The following SYNE2 variants were observed in gnomAD, a reference collection of about 807,000 sequenced individuals.
SYNE2 encodes spectrin repeat containing nuclear envelope protein 2.
SYNE2 carries 431 observed loss-of-function variants against 856.3 expected under a neutral mutation model. The observed-to-expected ratio is 0.50, with a 90% confidence interval of 0.47 to 0.55. SYNE2 has a LOEUF of 0.55. Ranked by LOEUF, SYNE2 falls within the 20% of genes least tolerant of loss-of-function variation. SYNE2 has a pLI of 0.00. For synonymous variants in SYNE2, 2,923 were observed against 2,872.3 expected (o/e 1.02, Z -0.56); for missense variants, 8,129 against 8,023.2 (o/e 1.01, Z -0.50).
At chr14:64,196,140 G>C (rs2098539696) in intron 99 of SYNE2, among the ~76,000 whole-genome samples, 1 of 152,204 alleles carries the variant, frequency 6.6e-6, no homozygotes, top group South Asian at 2.1e-4. Context: ...CATTTTGGGA[G>C]AACTATTGCC....
At chr14:64,224,959 C>A in intron 114 of SYNE2, 40 bp from the exon 115 acceptor site, 1 of 1,581,538 alleles carries the variant, frequency 6.3e-7, no homozygotes, top group Non-Finnish European at 8.7e-7. Flanking sequence ...TAGGACTAAA[C>A]TGTCTTCAAC....
At chr14:63,951,090 A>T (rs1046891048) in intron 7 of SYNE2, among the ~76,000 whole-genome samples, 2 of 151,622 alleles carry the variant, frequency 1.3e-5, no homozygotes, top group Admixed American at 1.3e-4. Flanking sequence ...AGTGTCTGAG[A>T]TGGAGCTTAG....
chr14:64,035,726 C>G (rs889844898), intron 45 of SYNE2, among the ~76,000 whole-genome samples: 1 of 152,066 alleles, frequency 6.6e-6, no homozygotes, highest in African/African-American at 2.4e-5. Flanking sequence ...GGGTCTGGCT[C>G]TGTCACTCAG....
chr14:64,224,969 C>G (rs746132820), intron 114 of SYNE2, 30 bp from the exon 115 acceptor site: 6 of 1,606,144 alleles, frequency 3.7e-6, no homozygotes, highest in African/African-American at 1.3e-5. Context: ...CTGTCTTCAA[C>G]TTACTAACTG....
chr14:63,960,799 A>G (rs1022943068), intron 8 of SYNE2: 1 of 762,268 alleles, frequency 1.3e-6, no homozygotes, highest in Non-Finnish European at 2.4e-6. Context: ...TGTGCCAGCT[A>G]CTTGTGAGGC....
chr14:63,901,784 C>T (rs775875705), intron 1 of SYNE2, among the ~76,000 whole-genome samples: 7 of 152,054 alleles, frequency 4.6e-5, no homozygotes, highest in African/African-American at 1.2e-4. Flanking sequence ...ATTAGCCAAG[C>T]GTGGTGGCGT....
intron 1 of SYNE2, among the ~76,000 whole-genome samples, chr14:63,847,796 G>A (rs1461793775): frequency 6.6e-6 from 1 of 151,978 alleles, no homozygotes; most frequent in Non-Finnish European, 1.5e-5. Context: ...GTGTTGGCCA[G>A]GCTGGTCTTG....
Position 64,212,892 on chromosome 14 carries a change from G to C in SYNE2, c.18943G>C (p.Glu6315Gln). The C allele has an allele frequency of 1.2e-6, 2 of 1,614,170 alleles. No individual in the cohort carries two copies. The highest frequency in any genetic ancestry group is 1.7e-6 in the Non-Finnish European group (2 of 1,180,022). ...VFGEQLIQKSEPLDAVLIEDE... is the reference protein window; with the variant it reads ...VFGEQLIQKSQPLDAVLIEDE... The stretch of plus-strand genomic sequence containing the variant: ...TGGGGAGCAGCTGATTCAGAAGAGC[G>C]AGCCCCTGGATGCTGTGCTGATTGA... The change falls in exon 105 of 116, where the codon GAG becomes CAG. Residue 6315 changes from glutamate (E) to glutamine (Q), a missense_variant. Physicochemically the swap from Glu to Gln is conservative, Grantham distance 29. Around this residue, in one of 3 missense-constraint regions of SYNE2, gnomAD observed 5,410 missense variants for 5,284.8 expected, o/e 1.02. Transcript: ENST00000555002.
At chr14:63,792,037 A>G (rs1887756697) in intron 1 of SYNE2, among the ~76,000 whole-genome samples, 1 of 152,222 alleles carries the variant, frequency 6.6e-6, no homozygotes, top group South Asian at 2.1e-4. Context: ...AGGCAGTAAC[A>G]TTGGCACAGA....
chr14:64,225,728 G>A lies in SYNE2; in HGVS notation c.*202G>A, dbSNP rs577805424. 3 of 636,206 alleles carry A rather than the reference G, an allele frequency of 4.7e-6. No homozygotes were observed. The highest frequency in any genetic ancestry group is 5.2e-5 in the Admixed American group (2 of 38,532). The allele number at this position is 636,206 out of a possible 1,614,324, so 39.4% of individuals were successfully genotyped here. On this transcript the variant is annotated 3_prime_UTR_variant, in exon 116 of 116. Coordinates refer to ENST00000555002, the MANE Select transcript of SYNE2 (RefSeq NM_182914.3). Reference sequence around the variant, plus strand: ...TCCTCCCCAGGAGCAGGGAACCTGTGTGGCAGGTGCCCCGGGTATTTTGGC... The same window carrying A: ...TCCTCCCCAGGAGCAGGGAACCTGTATGGCAGGTGCCCCGGGTATTTTGGC...
At chr14:63,866,242 A>G (rs950866864) in intron 1 of SYNE2, among the ~76,000 whole-genome samples, 15 of 152,234 alleles carry the variant, frequency 9.9e-5, no homozygotes, top group African/African-American at 3.6e-4. Flanking sequence ...CGAAACACCA[A>G]AGGAACTTGA....
At chr14:64,102,619 C>G (rs181005182) in intron 64 of SYNE2, among the ~76,000 whole-genome samples, 1 of 149,834 alleles carries the variant, frequency 6.7e-6, no homozygotes, top group Admixed American at 6.7e-5. Flanking sequence ...TTAACATATG[C>G]ATTACCTCAC....
chr14:63,919,777 G>A (rs964215741), intron 2 of SYNE2, among the ~76,000 whole-genome samples: 1 of 152,124 alleles, frequency 6.6e-6, no homozygotes, highest in Non-Finnish European at 1.5e-5. Context: ...ACAGAGAGGA[G>A]CCCACTGGAT....
intron 46 of SYNE2, 94 bp downstream of exon 46, chr14:64,048,249 T>A: frequency 8.1e-7 from 1 of 1,239,252 alleles, no homozygotes; most frequent in Non-Finnish European, 1.1e-6. Context: ...TTGTACAGAG[T>A]GAAAAGTCTT....
chr14:63,804,986 A>G (rs150334458), intron 1 of SYNE2, among the ~76,000 whole-genome samples: 1 of 152,284 alleles, frequency 6.6e-6, no homozygotes, highest in African/African-American at 2.4e-5. Flanking sequence ...TGCACCATTT[A>G]TTGAATAAGG....
At chr14:64,084,806 A>G (rs777615887) in intron 57 of SYNE2, 20 of 590,848 alleles carry the variant, frequency 3.4e-5, no homozygotes, top group Non-Finnish European at 5.8e-5. Context: ...TTAGCTAAGT[A>G]TCTCTGGCTC....
rs531440839 is a variant in SYNE2, at chr14:64,170,953, TAAG to T, written c.17235+492_17235+494del. ...TTTAATTATATATTTTTAAATAACT[TAAG>T]GAGTGTAATTGGATTATTTGTAACT... On this transcript the variant is annotated intron_variant, in intron 94 of 115. Transcript: ENST00000555002. 5.6e-3 allele frequency among the ~76,000 whole-genome samples: 856 copies of T among 152,232 alleles called. 4 individuals carry two copies. Among genetic ancestry groups the T allele is most frequent in the Non-Finnish European group, 9.3e-3 (630 of 67,994 alleles).
intron 1 of SYNE2, among the ~76,000 whole-genome samples, chr14:63,763,017 T>C (rs1300470050): frequency 6.6e-6 from 1 of 152,214 alleles, no homozygotes; most frequent in African/African-American, 2.4e-5. Context: ...GCCCAGCCTG[T>C]AGTGCTACGG....
In SYNE2 at chr14:63,997,016, G is replaced by A; in HGVS notation, c.3010G>A (p.Glu1004Lys). 1 of 1,614,120 alleles carries A rather than the reference G, an allele frequency of 6.2e-7. No individual in the cohort carries two copies. The highest frequency in any genetic ancestry group is 2.2e-5 in the East Asian group (1 of 44,882). Residue 1004 changes from glutamate to lysine, a missense_variant, in exon 24 of 116, where the codon GAA (glutamate) becomes AAA (lysine). By Grantham distance (56) the Glu-to-Lys change is moderately conservative. Around this residue, in one of 3 missense-constraint regions of SYNE2, gnomAD observed 2,422 missense variants for 2,357.4 expected, o/e 1.03. Transcript: ENST00000555002. ...CATGGAAGTCCTGAGGGAGCTGTGTGAAGAGCTGCCTTCACAGAAGAGTCA... is the reference window on the plus strand; with the variant it reads ...CATGGAAGTCCTGAGGGAGCTGTGTAAAGAGCTGCCTTCACAGAAGAGTCA... The part of the protein sequence containing the change: ...HHMEVLRELC[E>K]ELPSQKSQQE...
Sources: allele counts gnomAD v4.1 joint callset (sites outside exome capture counted in the v4.1 genomes callset), GRCh38; gene constraint gnomAD v4.1.1; regional missense constraint gnomAD v4.1.1; transcripts MANE v1.5; gene names NCBI Gene and HGNC (gene_info 2026-07-23, HGNC 2026-07-21).